Variants in TYW1B observed in about 807,000 individuals in gnomAD.
TYW1B encodes tRNA-yW synthesizing protein 1 homolog B.
TYW1B carries 73 observed loss-of-function variants against 86.9 expected under a neutral mutation model. The observed-to-expected ratio is 0.84, with a 90% confidence interval of 0.70 to 1.02. The LOEUF (loss-of-function observed/expected upper bound fraction) is 1.02. Among genes scored for constraint, TYW1B ranks in the 50% least tolerant of loss-of-function variants. The pLI, the probability that TYW1B is intolerant of heterozygous loss-of-function variation, is 0.00. For missense variants in TYW1B, 637 were observed against 827.4 expected (o/e 0.77, Z 2.82); for synonymous variants, 248 against 292.8 (o/e 0.85, Z 1.56).
chr7:72,803,064 C>T (rs1788430293), intron 5 of TYW1B, among the ~76,000 whole-genome samples: 1 of 152,102 alleles, frequency 6.6e-6, no homozygotes, highest in Admixed American at 6.6e-5. Flanking sequence ...AGCAAGACCA[C>T]ATTGCTACAA....
intron 10 of TYW1B, among the ~76,000 whole-genome samples, chr7:72,702,952 T>G (rs1233225424): frequency 3.3e-5 from 5 of 149,812 alleles, no homozygotes; most frequent in Non-Finnish European, 7.4e-5. Flanking sequence ...CATATTTTGT[T>G]TTCTTATCTA....
intron 6 of TYW1B, among the ~76,000 whole-genome samples, chr7:72,778,471 A>G (rs2129572060): frequency 6.6e-6 from 1 of 152,288 alleles, no homozygotes; most frequent in African/African-American, 2.4e-5. Flanking sequence ...ATTTTTTGAA[A>G]CAGAGTCTCG....
chr7:72,783,271 G>A lies in TYW1B; in HGVS notation c.847-5738C>T, dbSNP rs782740100. ...AAATTAGCCGGGCGTGGTGGCATGC[G>A]CTTGTGGTCCCAGCTATTCAGGAGG... On this transcript the variant is annotated intron_variant, in intron 6 of 13. Coordinates refer to ENST00000620995, the MANE Select transcript of TYW1B (RefSeq NM_001145440.3). 2.1e-4 allele frequency among the ~76,000 whole-genome samples: 32 copies of A among 151,056 alleles called. 1 individual carries two copies. The highest frequency in any genetic ancestry group is 1.2e-4 in the African/African-American group (5 of 41,118).
chr7:72,634,788 T>G (rs576974710), intron 11 of TYW1B, among the ~76,000 whole-genome samples: 9 of 152,318 alleles, frequency 5.9e-5, no homozygotes, highest in Admixed American at 4.6e-4. Context: ...TCTGTTTTTG[T>G]GAAGTACTGG....
At chr7:72,593,745 C>G (rs1452504265) in intron 13 of TYW1B, among the ~76,000 whole-genome samples, 6 of 146,614 alleles carry the variant, frequency 4.1e-5, no homozygotes, top group African/African-American at 1.5e-4. Context: ...TGGCGTGAAC[C>G]CGGGAGGCGG....
intron 6 of TYW1B, among the ~76,000 whole-genome samples, chr7:72,787,307 A>T (rs1554472624): frequency 6.6e-6 from 1 of 151,888 alleles, no homozygotes; most frequent in Non-Finnish European, 1.5e-5. Flanking sequence ...TACAAAAAAT[A>T]CAAAAATTAG....
chr7:72,679,429 A>C (rs1351080132), intron 11 of TYW1B, among the ~76,000 whole-genome samples: 1 of 152,216 alleles, frequency 6.6e-6, no homozygotes, highest in African/African-American at 2.4e-5. Context: ...ACAGGATAGA[A>C]GGCTACATAG....
intron 13 of TYW1B, among the ~76,000 whole-genome samples, chr7:72,585,435 C>T (rs191239299): frequency 1.8e-4 from 27 of 152,226 alleles, no homozygotes; most frequent in Non-Finnish European, 3.4e-4. Context: ...AACACTATAC[C>T]ATTCTTTATT....
intron 6 of TYW1B, among the ~76,000 whole-genome samples, chr7:72,787,588 C>T (rs150955018): frequency 7.9e-5 from 12 of 151,632 alleles, no homozygotes; most frequent in African/African-American, 1.5e-4. Flanking sequence ...CTGGCCAACA[C>T]GGTGAAACCC....
chr7:72,701,281 T>G (rs1554452513), intron 10 of TYW1B, among the ~76,000 whole-genome samples: 2 of 151,972 alleles, frequency 1.3e-5, no homozygotes, highest in Admixed American at 6.6e-5. Context: ...ATTTATTTTT[T>G]GCGACAAGGT....
intron 6 of TYW1B, among the ~76,000 whole-genome samples, chr7:72,799,150 C>CTTT (rs1554475156): frequency 2.6e-5 from 3 of 117,574 alleles, no homozygotes; most frequent in African/African-American, 9.7e-5. Flanking sequence ...ACCGGGTCTG[C>CTTT]CTTTTTTTTT....
intron 7 of TYW1B, among the ~76,000 whole-genome samples, chr7:72,745,350 A>G (rs1282122536): frequency 6.6e-6 from 1 of 152,148 alleles, no homozygotes; most frequent in African/African-American, 2.4e-5. Context: ...TATTTGAGAC[A>G]CTGTGGAAGC....
At chr7:72,606,607 G>C (rs1333097103) in intron 13 of TYW1B, among the ~76,000 whole-genome samples, 1 of 56,856 alleles carries the variant, frequency 1.8e-5, no homozygotes, top group African/African-American at 4.6e-5. Context: ...CAGCAATAAG[G>C]CCCCCCCCCC....
intron 7 of TYW1B, among the ~76,000 whole-genome samples, chr7:72,765,195 T>G (rs1446019495): frequency 6.6e-6 from 1 of 152,194 alleles, no homozygotes; most frequent in Non-Finnish European, 1.5e-5. Flanking sequence ...TCCTTAAGAT[T>G]GTACGTGAGA....
chr7:72,643,351 C>A (rs752970950), intron 11 of TYW1B, among the ~76,000 whole-genome samples: 5 of 152,128 alleles, frequency 3.3e-5, no homozygotes, highest in Non-Finnish European at 4.4e-5. Context: ...GTTTGGGAGG[C>A]CGATGTGGGC....
intron 11 of TYW1B, among the ~76,000 whole-genome samples, chr7:72,643,980 T>C (rs1812865032): frequency 6.6e-6 from 1 of 152,072 alleles, no homozygotes; most frequent in South Asian, 2.1e-4. Flanking sequence ...TGAACAGAAA[T>C]GGAAACATCT....
intron 11 of TYW1B, among the ~76,000 whole-genome samples, chr7:72,642,632 G>C (rs570490463): frequency 6.6e-6 from 1 of 152,262 alleles, no homozygotes; most frequent in East Asian, 1.9e-4. Context: ...GCTGGGCGCA[G>C]TGGCTCACGC....
chr7:72,600,795 G>T (rs782666070), intron 13 of TYW1B, among the ~76,000 whole-genome samples: 5 of 152,104 alleles, frequency 3.3e-5, no homozygotes, highest in East Asian at 1.9e-4. Context: ...CCAGGAATTA[G>T]AGGCTGCAGT....
intron 10 of TYW1B, among the ~76,000 whole-genome samples, chr7:72,703,015 TATATA>T (rs1814518202): frequency 2.5e-4 from 12 of 47,884 alleles, no homozygotes; most frequent in South Asian, 6.0e-4. Flanking sequence ...TATATATATA[TATATA>T]TATATATTTT....
Sources: allele counts gnomAD v4.1 joint callset (sites outside exome capture counted in the v4.1 genomes callset), GRCh38; gene constraint gnomAD v4.1.1; transcripts MANE v1.5; gene names NCBI Gene and HGNC (gene_info 2026-07-23, HGNC 2026-07-21).